CRLF2: variants seen among roughly 807,000 people sequenced by gnomAD.
CRLF2 encodes the protein cytokine receptor-like factor 2.
CRLF2 carries 41 observed loss-of-function variants against 38.7 expected under a neutral mutation model. The ratio of observed to expected loss-of-function variants is 1.06; its 90% CI spans 0.83 to 1.37. The LOEUF is 1.37. CRLF2 is among the 40% of genes most tolerant of loss of function. The pLI, the probability that CRLF2 is intolerant of heterozygous loss-of-function variation, is 0.00. For missense variants in CRLF2, 377 were observed against 322.2 expected (o/e 1.17, Z -1.30); for synonymous variants, 140 against 128.8 (o/e 1.09, Z -0.59).
chrX:1,201,320 GTGTGCCTGTGTTTGTGTGTC>G (rs1555888104), intron 4 of CRLF2, among the ~76,000 whole-genome samples: 1 of 143,008 alleles, frequency 7.0e-6, no homozygotes, highest in Non-Finnish European at 1.5e-5. Flanking sequence ...GTGTGTGCCT[GTGTGCCTGTGTTTGTGTGTC>G]TGTGTGTGTG....
chrX:1,204,667 T>A (rs1362468879), intron 3 of CRLF2, among the ~76,000 whole-genome samples: 5 of 148,918 alleles, frequency 3.4e-5, no homozygotes, highest in African/African-American at 1.2e-4. Context: ...ATTACAAGCG[T>A]GTGCCACCAC....
chrX:1,211,120 G>A (rs2086789232), intron 1 of CRLF2, among the ~76,000 whole-genome samples: 1 of 151,650 alleles, frequency 6.6e-6, no homozygotes, highest in South Asian at 2.1e-4. Context: ...TGGGTGGGTG[G>A]ATGAGTGAGT....
intron 4 of CRLF2, chrX:1,199,063 C>T (rs1279147401): frequency 7.1e-5 from 29 of 408,534 alleles, no homozygotes; most frequent in African/African-American, 4.5e-4. Flanking sequence ...GCAGGAGAAT[C>T]GCTTGAACCT....
rs1266588352 is a variant in CRLF2, at chrX:1,202,394, C to T, written c.483+8G>A. 1.1e-5 allele frequency: 18 copies of T among 1,613,468 alleles called. No individual in the cohort carries two copies. The highest frequency in any genetic ancestry group is 2.2e-5 in the South Asian group (2 of 91,078). On this transcript the variant is annotated splice_region_variant and intron_variant, in intron 4 of 7. Transcript: ENST00000400841. ...ACCATCGCCCTGAGTCGCGGCCGCC[C>T]GGCTCACCTGCCACTCGGTGTCGAA... is the stretch of plus-strand genomic sequence containing the variant.
intron 1 of CRLF2, among the ~76,000 whole-genome samples, chrX:1,209,574 G>C (rs189134818): frequency 6.7e-6 from 1 of 149,464 alleles, no homozygotes; most frequent in East Asian, 2.0e-4. Context: ...CTCGTGATCC[G>C]CCCGCCTCAT....
In CRLF2 at chrX:1,208,307, C is replaced by T. The variant is rs866126219; in HGVS notation, c.182+499G>A. On this transcript the variant is annotated intron_variant, in intron 2 of 7. Transcript: ENST00000400841. ...GATGCCGTGGCTCACGCCTGTCATC[C>T]CAGCACTTTGGGAGGCTGAGGCAGG... Among the ~76,000 whole-genome samples the T allele has an allele frequency of 5.3e-4, 80 of 151,994 alleles. 1 individual carries two copies. Among genetic ancestry groups the T allele is most frequent in the South Asian group, 8.3e-4 (4 of 4,822 alleles).
At chrX:1,192,329 CAT>C (rs1161628963) in intron 7 of CRLF2, among the ~76,000 whole-genome samples, 1 of 151,798 alleles carries the variant, frequency 6.6e-6, no homozygotes, top group Non-Finnish European at 1.5e-5. Context: ...AAAATCAACA[CAT>C]AGGACACAAA....
rs764097006 is a variant in CRLF2, at chrX:1,198,575, T to C, written c.633A>G (p.Arg211=). The C allele has an allele frequency of 6.2e-7, 1 of 1,613,632 alleles. No individual in the cohort carries two copies. Among genetic ancestry groups the C allele is most frequent in the Non-Finnish European group, 8.5e-7 (1 of 1,179,682 alleles). The stretch of plus-strand genomic sequence containing the variant: ...AACAAGCATTACCCCGAATCTCGCC[T>C]CTCTGCCAGCATGTCACCTCTGACC... ...SDWSEVTCWQ[R]GEIRDACAET... Residue 211 remains arginine, a synonymous_variant, in exon 5 of 8, where the codon AGA becomes AGG. Transcript: ENST00000400841.
Position 1,193,253 on chromosome X carries a change from G to A in CRLF2, c.817C>T (p.Pro273Ser), listed in dbSNP as rs1473020058. Residue 273 changes from proline to serine, a missense_variant, in exon 7 of 8, where the codon CCC becomes TCC. Coordinates refer to ENST00000400841, the MANE Select transcript of CRLF2 (RefSeq NM_022148.4). ...CCTTGGTGTATCTCAAAGAGCCCGGGGAAGATGGATTTCGGGTCTGGCACG... is the reference window on the plus strand; with the variant it reads ...CCTTGGTGTATCTCAAAGAGCCCGGAGAAGATGGATTTCGGGTCTGGCACG... Reference protein sequence around the residue: ...PSVPDPKSIFPGLFEIHQGNF... With the variant: ...PSVPDPKSIFSGLFEIHQGNF... 2.5e-6 allele frequency: 1 copy of A among 398,510 alleles called. No homozygotes were observed. The highest frequency in any genetic ancestry group is 4.4e-6 in the Non-Finnish European group (1 of 226,208). The allele number at this position is 398,510 out of a possible 1,614,324, so 24.7% of individuals were successfully genotyped here.
Position 1,196,716 on chromosome X carries a change from T to C in CRLF2, c.767+64A>G, listed in dbSNP as rs1316588131. The C allele has an allele frequency of 1.4e-5, 22 of 1,578,528 alleles. No homozygotes were observed. In the African/African-American group the frequency reaches 2.6e-4, roughly 19 times the overall value. ...ACTCTATCAGGCGATTAATCTTTTT[T>C]CGTACTTCACAGACATTGTGCAAGC... On this transcript the variant is annotated intron_variant, in intron 6 of 7. Coordinates refer to ENST00000400841, the MANE Select transcript of CRLF2 (RefSeq NM_022148.4).
chrX:1,196,921 G>C (rs187497694), intron 5 of CRLF2, 21 bp from the exon 6 acceptor site: 9 of 1,610,168 alleles, frequency 5.6e-6, no homozygotes, highest in Non-Finnish European at 7.6e-6. Context: ...ATGAAAAGGC[G>C]GCTGTCAGTT....
intron 6 of CRLF2, 47 bp downstream of exon 6, chrX:1,196,733 T>G: frequency 6.3e-7 from 1 of 1,599,620 alleles, no homozygotes. Context: ...TCACAGACAT[T>G]GTGCAAGCAG....
chrX:1,191,657 GA>G, intron 7 of CRLF2, among the ~76,000 whole-genome samples: 1 of 151,056 alleles, frequency 6.6e-6, no homozygotes, highest in East Asian at 2.0e-4. Flanking sequence ...TCAGCCTCCT[GA>G]GTAGCTGGGA....
chrX:1,205,795 A>C (rs1292132201), intron 3 of CRLF2, among the ~76,000 whole-genome samples: 1 of 151,984 alleles, frequency 6.6e-6, no homozygotes, highest in Non-Finnish European at 1.5e-5. Flanking sequence ...CTTGCTTTTC[A>C]ATAGCTACGG....
chrX:1,197,793 C>A (rs1262302645), intron 5 of CRLF2, among the ~76,000 whole-genome samples: 2 of 149,206 alleles, frequency 1.3e-5, no homozygotes, highest in Non-Finnish European at 3.0e-5. Flanking sequence ...CAGCCTGGAC[C>A]ACAGACTGAG....
At chrX:1,211,791 TGGTGGATGGATG>T (rs1242586239) in intron 1 of CRLF2, among the ~76,000 whole-genome samples, 3 of 59,972 alleles carry the variant, frequency 5.0e-5, no homozygotes, top group Non-Finnish European at 9.0e-5. Context: ...ATGGATGTAT[TGGTGGATGGATG>T]GGTGGATGGA....
intron 3 of CRLF2, among the ~76,000 whole-genome samples, chrX:1,203,252 C>A (rs1483511316): frequency 9.9e-5 from 15 of 151,932 alleles, no homozygotes; most frequent in Admixed American, 9.8e-4. Context: ...GAGATGCAGA[C>A]ACAGAGGAGG....
At chrX:1,191,987 T>C (rs1286650152) in intron 7 of CRLF2, among the ~76,000 whole-genome samples, 114,951 of 144,110 alleles carry the variant, frequency 0.8, 46,179 homozygotes, top group East Asian at 0.96. Context: ...GGGTGGATCA[T>C]GAGGTGAGGA....
intron 5 of CRLF2, among the ~76,000 whole-genome samples, chrX:1,197,472 C>T (rs1253078871): frequency 1.1e-4 from 17 of 151,964 alleles, no homozygotes; most frequent in Admixed American, 3.9e-4. Context: ...CATATGAGAG[C>T]TTGCTTTCGT....
Sources: gnomAD v4.1 joint callset for allele counts (sites outside exome capture counted in the v4.1 genomes callset) on GRCh38, gnomAD v4.1.1 for gene constraint, MANE v1.5 for transcripts, NCBI Gene and HGNC (gene_info 2026-07-23, HGNC 2026-07-21) for gene names.